The following FOXN3 variants were observed in gnomAD, a reference collection of about 807,000 sequenced individuals.
FOXN3 encodes the protein forkhead box N3.
In FOXN3, 7 loss-of-function variants were observed where a neutral mutation model predicts 38.4. That is an observed-to-expected ratio of 0.18 (90% confidence interval 0.10 to 0.34). The LOEUF (loss-of-function observed/expected upper bound fraction) is 0.34. FOXN3 is among the 10% of genes least tolerant of loss of function. The pLI, the probability that FOXN3 is intolerant of heterozygous loss-of-function variation, is 1.00. For missense variants in FOXN3, 456 were observed against 613.4 expected (o/e 0.74, Z 2.71); for synonymous variants, 230 against 242.2 (o/e 0.95, Z 0.47).
chr14:89,173,439 T>A (rs1887441976), intron 5 of FOXN3, among the ~76,000 whole-genome samples: 1 of 152,158 alleles, frequency 6.6e-6, no homozygotes, highest in Non-Finnish European at 1.5e-5. Flanking sequence ...ACCCTATAAA[T>A]CAACAATTTC....
At position 89,356,789 on chromosome 14, in the gene FOXN3, G is replaced by A. The variant is rs543510014; in HGVS notation, c.544-5981C>T. 1.6e-4 allele frequency among the ~76,000 whole-genome samples: 24 copies of A among 152,258 alleles called. No homozygotes were observed. The South Asian group carries it at 1.7e-3, about 11-fold the overall frequency. ...TACAAAACAATACAAAAAGGAGACC[G>A]ACCTCCTGAAGCTTGGATTATAGAT... On this transcript the variant is annotated intron_variant, in intron 2 of 5. Coordinates refer to ENST00000557258, the MANE Select transcript of FOXN3 (RefSeq NM_005197.4).
chr14:89,616,815 G>A (rs531285021), intron 1 of FOXN3, among the ~76,000 whole-genome samples: 1 of 152,214 alleles, frequency 6.6e-6, no homozygotes, highest in East Asian at 1.9e-4. Context: ...TAAGCCTGGG[G>A]GCTCATCCTT....
chr14:89,445,623 A>G (rs564314771), intron 1 of FOXN3, among the ~76,000 whole-genome samples: 4 of 152,270 alleles, frequency 2.6e-5, no homozygotes, highest in East Asian at 1.9e-4. Flanking sequence ...CCTCCTGGGG[A>G]AAACTCCAGG....
At chr14:89,297,200 C>T (rs941276293) in intron 3 of FOXN3, among the ~76,000 whole-genome samples, 1 of 152,074 alleles carries the variant, frequency 6.6e-6, no homozygotes, top group Non-Finnish European at 1.5e-5. Context: ...GCCACGGAGG[C>T]GGCGCAAAAG....
chr14:89,423,216 G>A (rs972000364), intron 1 of FOXN3, among the ~76,000 whole-genome samples: 21 of 152,168 alleles, frequency 1.4e-4, no homozygotes, highest in Admixed American at 6.5e-4. Flanking sequence ...GTGGGGAGGC[G>A]CAGTGGTTAG....
chr14:89,413,566 G>A (rs763016162), intron 1 of FOXN3, among the ~76,000 whole-genome samples: 2 of 151,996 alleles, frequency 1.3e-5, no homozygotes, highest in Non-Finnish European at 2.9e-5. Context: ...CCAAGAAGCT[G>A]AGGCTGCAGT....
At chr14:89,611,539 G>A (rs1341299195) in intron 1 of FOXN3, among the ~76,000 whole-genome samples, 2 of 152,210 alleles carry the variant, frequency 1.3e-5, no homozygotes, top group African/African-American at 4.8e-5. Flanking sequence ...GGGCGCGGTG[G>A]CTCACGCCTG....
chr14:89,326,754 C>A (rs1294150176), intron 3 of FOXN3, among the ~76,000 whole-genome samples: 1 of 152,186 alleles, frequency 6.6e-6, no homozygotes, highest in Non-Finnish European at 1.5e-5. Context: ...TATGACTCTT[C>A]AGACAACCAG....
At chr14:89,534,223 A>T (rs1191088221) in intron 1 of FOXN3, among the ~76,000 whole-genome samples, 2 of 145,748 alleles carry the variant, frequency 1.4e-5, no homozygotes, top group African/African-American at 5.2e-5. Flanking sequence ...CTCCTACCTC[A>T]GCCTCCCAAG....
At chr14:89,360,511 TGA>T (rs946604158) in intron 2 of FOXN3, among the ~76,000 whole-genome samples, 8 of 112,468 alleles carry the variant, frequency 7.1e-5, no homozygotes, top group African/African-American at 2.5e-4. Flanking sequence ...GGAAAAACGG[TGA>T]GAGAGAGAAG....
chr14:89,546,486 C>A (rs752621124), intron 1 of FOXN3, among the ~76,000 whole-genome samples: 6 of 150,602 alleles, frequency 4.0e-5, no homozygotes, highest in Non-Finnish European at 7.4e-5. Flanking sequence ...CCTGCCACCA[C>A]GCCCGGCTAA....
chr14:89,220,415 G>C (rs1444467146), intron 4 of FOXN3, among the ~76,000 whole-genome samples: 2 of 152,222 alleles, frequency 1.3e-5, no homozygotes, highest in African/African-American at 4.8e-5. Flanking sequence ...ACACAGCACT[G>C]AATAGTGCTG....
At chr14:89,341,627 T>C (rs1888617815) in intron 3 of FOXN3, among the ~76,000 whole-genome samples, 2 of 152,190 alleles carry the variant, frequency 1.3e-5, no homozygotes, top group African/African-American at 4.8e-5. Flanking sequence ...AAAAATATTC[T>C]ATGAGACCAT....
intron 4 of FOXN3, among the ~76,000 whole-genome samples, chr14:89,216,980 C>A (rs1340128531): frequency 6.6e-6 from 1 of 152,170 alleles, no homozygotes; most frequent in Non-Finnish European, 1.5e-5. Flanking sequence ...GCCCTTCCCC[C>A]AGCCTGGCCC....
At chr14:89,303,611 G>T (rs1331033253) in intron 3 of FOXN3, among the ~76,000 whole-genome samples, 1 of 152,136 alleles carries the variant, frequency 6.6e-6, no homozygotes, top group Non-Finnish European at 1.5e-5. Context: ...CTTAATGAGG[G>T]TCGCATGGCT....
chr14:89,388,954 G>A (rs1388925100), intron 2 of FOXN3, among the ~76,000 whole-genome samples: 1 of 152,004 alleles, frequency 6.6e-6, no homozygotes. Context: ...ACCAAAGTCG[G>A]GTGATCCAGA....
intron 2 of FOXN3, among the ~76,000 whole-genome samples, chr14:89,364,950 C>T (rs866417901): frequency 3.3e-5 from 5 of 152,068 alleles, no homozygotes; most frequent in South Asian, 2.1e-4. Flanking sequence ...TTTGAATGGA[C>T]GCAGGAAAAA....
At chr14:89,603,581 C>T (rs8008589) in intron 1 of FOXN3, among the ~76,000 whole-genome samples, 45,802 of 152,040 alleles carry the variant, frequency 0.3, 8,840 homozygotes, top group African/African-American at 0.53. Flanking sequence ...AAAGAAGGAA[C>T]ACAAAGAGAA....
chr14:89,293,742 G>T (rs1027897123), intron 3 of FOXN3, among the ~76,000 whole-genome samples: 4 of 152,108 alleles, frequency 2.6e-5, no homozygotes, highest in African/African-American at 9.7e-5. Context: ...ACATATGAAT[G>T]GAGCGGCGGT....
Sources: allele counts gnomAD v4.1 joint callset (sites outside exome capture counted in the v4.1 genomes callset), GRCh38; gene constraint gnomAD v4.1.1; transcripts MANE v1.5; gene names NCBI Gene and HGNC (gene_info 2026-07-23, HGNC 2026-07-21).